Variants in ZNF385D observed in about 807,000 individuals in gnomAD.
ZNF385D encodes the protein zinc finger protein 659.
ZNF385D carries 15 observed loss-of-function variants against 35.8 expected under a neutral mutation model. The observed-to-expected ratio is 0.42, with a 90% CI of 0.28 to 0.64. The LOEUF (loss-of-function observed/expected upper bound fraction) is 0.64, where lower values mean the gene tolerates loss of function less well. ZNF385D is among the 30% of genes least tolerant of loss of function. The pLI, the probability that ZNF385D is intolerant of heterozygous loss-of-function variation, is 0.23. For missense variants in ZNF385D, 474 were observed against 494.6 expected (o/e 0.96, Z 0.39); for synonymous variants, 212 against 186.8 (o/e 1.13, Z -1.10).
At chr3:22,186,348 C>G (rs988389039) in intron 2 of ZNF385D, among the ~76,000 whole-genome samples, 1 of 152,124 alleles carries the variant, frequency 6.6e-6, no homozygotes, top group Non-Finnish European at 1.5e-5. Flanking sequence ...TGAAGAAATA[C>G]TGACTTCAAG....
intron 3 of ZNF385D, among the ~76,000 whole-genome samples, chr3:21,975,702 A>T (rs1703554825): frequency 8.1e-6 from 1 of 124,078 alleles, no homozygotes; most frequent in African/African-American, 2.9e-5. Context: ...GTACCCACGA[A>T]ATATATATAT....
chr3:22,040,911 T>C (rs1698627064), intron 3 of ZNF385D, among the ~76,000 whole-genome samples: 1 of 152,154 alleles, frequency 6.6e-6, no homozygotes, highest in South Asian at 2.1e-4. Context: ...GAAGTTTTAT[T>C]TTAATTGAGA....
intron 3 of ZNF385D, among the ~76,000 whole-genome samples, chr3:21,561,205 C>A (rs897253404): frequency 6.6e-6 from 1 of 152,152 alleles, no homozygotes; most frequent in Non-Finnish European, 1.5e-5. Flanking sequence ...AAAGAAAACT[C>A]CTTCACGTAG....
chr3:21,654,839 A>T (rs940219295), intron 2 of ZNF385D, among the ~76,000 whole-genome samples: 1 of 152,044 alleles, frequency 6.6e-6, no homozygotes, highest in Non-Finnish European at 1.5e-5. Context: ...TGTGTACCAC[A>T]CTTTGAGAAG....
chr3:22,123,954 C>CTATA (rs1423473279), intron 3 of ZNF385D, among the ~76,000 whole-genome samples: 11 of 93,740 alleles, frequency 1.2e-4, no homozygotes, highest in Non-Finnish European at 2.6e-4. Flanking sequence ...CTCTCTCTCT[C>CTATA]TCTCTCTCTA....
rs116820290 is a variant in ZNF385D, at chr3:22,141,117, A to G, written c.325+27700T>C. On this transcript the variant is annotated intron_variant, in intron 3 of 5. Coordinates refer to the ZNF385D transcript ENST00000494108. ...AACTATTTAAAAGGCAACATATTTC[A>G]TTACTTAAAAACATAAGAGAGGTTT... Among the ~76,000 whole-genome samples, 984 of 152,322 alleles carry G rather than the reference A, an allele frequency of 6.5e-3. 9 individuals are homozygous for G. Among genetic ancestry groups the G allele is most frequent in the African/African-American group, 0.023 (945 of 41,574 alleles).
intron 2 of ZNF385D, among the ~76,000 whole-genome samples, chr3:21,638,584 G>A (rs892028370): frequency 2.6e-5 from 4 of 152,072 alleles, no homozygotes; most frequent in African/African-American, 9.7e-5. Flanking sequence ...CTGTCATAAA[G>A]TTATTTATCT....
At chr3:21,976,875 C>G (rs530167670) in intron 3 of ZNF385D, among the ~76,000 whole-genome samples, 29 of 152,242 alleles carry the variant, frequency 1.9e-4, no homozygotes, top group Admixed American at 3.3e-4. Flanking sequence ...GTAATCCCAG[C>G]TACTTGGGAG....
intron 2 of ZNF385D, among the ~76,000 whole-genome samples, chr3:22,262,141 C>A (rs1700665170): frequency 6.6e-6 from 1 of 151,266 alleles, no homozygotes; most frequent in Non-Finnish European, 1.5e-5. Flanking sequence ...CATCATTTTT[C>A]TTTTCTTTTG....
intron 1 of ZNF385D, among the ~76,000 whole-genome samples, chr3:21,669,560 A>G (rs879762807): frequency 1.3e-5 from 2 of 152,198 alleles, no homozygotes; most frequent in African/African-American, 4.8e-5. Context: ...CATTTTTGAA[A>G]AGCAAATTAA....
intron 3 of ZNF385D, among the ~76,000 whole-genome samples, chr3:22,057,550 C>T (rs1699468590): frequency 1.3e-5 from 2 of 149,090 alleles, no homozygotes; most frequent in Non-Finnish European, 3.0e-5. Context: ...CACTTTGTTG[C>T]CCAGGCTGGA....
At chr3:21,752,210 A>T (rs1448470391), upstream of ZNF385D, among the ~76,000 whole-genome samples, 2 of 152,116 alleles carry the variant, frequency 1.3e-5, no homozygotes, top group Non-Finnish European at 2.9e-5. Flanking sequence ...GCATGGAAAA[A>T]ATAAACTCAT....
intron 3 of ZNF385D, among the ~76,000 whole-genome samples, chr3:21,827,196 A>G (rs1443699710): frequency 6.6e-6 from 1 of 152,208 alleles, no homozygotes; most frequent in African/African-American, 2.4e-5. Context: ...ACCACCATCA[A>G]TATTTATGTC....
chr3:22,246,709 TTTA>T (rs766573495), intron 2 of ZNF385D, among the ~76,000 whole-genome samples: 2 of 152,120 alleles, frequency 1.3e-5, no homozygotes, highest in African/African-American at 2.4e-5. Context: ...TATTGCATTT[TTTA>T]TTCTTATTAT....
intron 2 of ZNF385D, among the ~76,000 whole-genome samples, chr3:21,654,305 AT>A (rs1318018457): frequency 3.9e-5 from 6 of 152,188 alleles, no homozygotes; most frequent in Non-Finnish European, 5.9e-5. Context: ...TCAAGATAAA[AT>A]GTGGAATAAG....
At chr3:21,869,089 A>G (rs9862787) in intron 3 of ZNF385D, among the ~76,000 whole-genome samples, 6,327 of 152,158 alleles carry the variant, frequency 0.042, 348 homozygotes, top group African/African-American at 0.12. Context: ...CCTTCTACAA[A>G]AGTTGTATGC....
intron 3 of ZNF385D, among the ~76,000 whole-genome samples, chr3:21,935,553 T>C (rs1701217802): frequency 1.3e-5 from 2 of 152,176 alleles, no homozygotes; most frequent in Admixed American, 1.3e-4. Context: ...CTAGAGTTCC[T>C]TTCAGACCTG....
chr3:21,981,290 G>A (rs1318274155), intron 3 of ZNF385D, among the ~76,000 whole-genome samples: 2 of 152,080 alleles, frequency 1.3e-5, no homozygotes, highest in Admixed American at 6.6e-5. Context: ...ACTCATTGTG[G>A]TTTTGATTTG....
At chr3:21,818,477 A>T (rs71310287) in intron 3 of ZNF385D, among the ~76,000 whole-genome samples, 8,429 of 152,274 alleles carry the variant, frequency 0.055, 495 homozygotes, top group East Asian at 0.31. Flanking sequence ...GATATTAAGA[A>T]ATTATTAATT....
Sources: gnomAD v4.1 joint callset for allele counts (sites outside exome capture counted in the v4.1 genomes callset) on GRCh38, gnomAD v4.1.1 for gene constraint, MANE v1.5 for transcripts, NCBI Gene and HGNC (gene_info 2026-07-23, HGNC 2026-07-21) for gene names.